NSF: variants seen among roughly 807,000 people sequenced by gnomAD.
NSF encodes the protein N-ethylmaleimide sensitive factor, vesicle fusing ATPase.
A neutral mutation model predicts 50.3 loss-of-function variants in NSF; 14 were observed. The observed-to-expected ratio is 0.28, with a 90% CI of 0.18 to 0.44. The LOEUF is 0.44. Ranked by LOEUF, NSF falls within the 20% of genes least tolerant of loss-of-function variation. The pLI is 1.00. For missense variants in NSF, 218 were observed against 504.3 expected (o/e 0.43, Z 5.44); for synonymous variants, 109 against 175.7 (o/e 0.62, Z 3.00).
intron 1 of NSF, among the ~76,000 whole-genome samples, chr17:46,606,179 CA>C (rs56822783): frequency 6.9e-4 from 2 of 2,886 alleles, no homozygotes; most frequent in Non-Finnish European, 9.9e-4. Context: ...AACTCCGTCT[CA>C]AAAAAAAAAA....
chr17:46,734,741 G>C (rs139980306), intron 17 of NSF, among the ~76,000 whole-genome samples: 1 of 152,236 alleles, frequency 6.6e-6, no homozygotes, highest in East Asian at 1.9e-4. Context: ...TATATATGTA[G>C]ATTAATTTCA....
chr17:46,703,693 A>C (rs1307950585), intron 12 of NSF, among the ~76,000 whole-genome samples: 30 of 151,478 alleles, frequency 2.0e-4, no homozygotes, highest in South Asian at 4.2e-4. Flanking sequence ...AAAAAAAAAA[A>C]AAAAAAAAAA....
intron 13 of NSF, among the ~76,000 whole-genome samples, chr17:46,710,088 C>G (rs2058703912): frequency 6.6e-6 from 1 of 152,102 alleles, no homozygotes; most frequent in Non-Finnish European, 1.5e-5. Context: ...TTCCATACAT[C>G]AGGTAATCAA....
At chr17:46,737,052 T>C (rs1174948563) in intron 17 of NSF, among the ~76,000 whole-genome samples, 1 of 152,260 alleles carries the variant, frequency 6.6e-6, no homozygotes, top group Non-Finnish European at 1.5e-5. Context: ...CATAGAAGTT[T>C]AAAACATTTC....
chr17:46,716,903 G>A (rs1478946450), intron 15 of NSF, among the ~76,000 whole-genome samples: 1 of 152,124 alleles, frequency 6.6e-6, no homozygotes, highest in Non-Finnish European at 1.5e-5. Context: ...TTTTTTCAGT[G>A]TAACTAAAGC....
chr17:46,715,401 A>G (rs1041670884), intron 15 of NSF, among the ~76,000 whole-genome samples: 11 of 152,216 alleles, frequency 7.2e-5, no homozygotes, highest in African/African-American at 2.7e-4. Flanking sequence ...AAAAATTTAA[A>G]TAACAGCCCT....
At chr17:46,739,733 T>G (rs1360603135) in intron 17 of NSF, among the ~76,000 whole-genome samples, 2 of 107,606 alleles carry the variant, frequency 1.9e-5, no homozygotes, top group Admixed American at 2.3e-4. Context: ...TTTTTTCTGA[T>G]TTTTTTTTTT....
intron 18 of NSF, 114 bp from the exon 19 acceptor site, chr17:46,751,389 C>G (rs1384210967): frequency 4.0e-4 from 291 of 728,926 alleles, no homozygotes; most frequent in Non-Finnish European, 3.0e-5. Flanking sequence ...AGAATTCTAT[C>G]AACTTGAACA....
intron 1 of NSF, among the ~76,000 whole-genome samples, chr17:46,603,587 C>T (rs2146105717): frequency 8.7e-6 from 1 of 114,614 alleles, no homozygotes; most frequent in South Asian, 3.8e-4. Context: ...CCATTAATAC[C>T]TTCATCTATA....
intron 14 of NSF, 43 bp downstream of exon 14, chr17:46,711,162 A>G: frequency 6.9e-7 from 1 of 1,451,890 alleles, no homozygotes; most frequent in Middle Eastern, 1.8e-4. Context: ...TAAAGGAAAA[A>G]AAGCAGCATT....
intron 14 of NSF, among the ~76,000 whole-genome samples, chr17:46,711,524 C>T (rs2058718724): frequency 6.6e-6 from 1 of 152,154 alleles, no homozygotes. Context: ...AAATTCCTGA[C>T]TACGGTGTAT....
intron 16 of NSF, 36 bp from the exon 17 acceptor site, chr17:46,728,819 A>G (rs764779910): frequency 7.0e-7 from 1 of 1,423,108 alleles, no homozygotes; most frequent in Admixed American, 1.9e-5. Context: ...GTACATGTGT[A>G]TCAAATCCCT....
chr17:46,753,258 C>T (rs535491354), intron 19 of NSF, among the ~76,000 whole-genome samples: 15 of 152,220 alleles, frequency 9.9e-5, no homozygotes, highest in African/African-American at 2.9e-4. Context: ...GGGCAGTGAG[C>T]GGCAGAGGTG....
Position 46,719,724 on chromosome 17 carries a change from A to G in NSF, c.1761+5738A>G, listed in dbSNP as rs184153264. 2.0e-5 allele frequency among the ~76,000 whole-genome samples: 3 copies of G among 152,320 alleles called. No homozygotes were observed. The highest frequency in any genetic ancestry group is 1.9e-4 in the East Asian group (1 of 5,188). On this transcript the variant is annotated intron_variant, in intron 15 of 20. Coordinates refer to ENST00000398238, the MANE Select transcript of NSF (RefSeq NM_006178.4). This position sits in a 1 kb window ranked among gnomAD's most constrained non-coding sequence, Gnocchi z 4.3. ...TACTTGTTTAAAAATCTATTTTACT[A>G]GTTCTATTCGTGCCATTAAATGAAC...
chr17:46,717,615 G>A (rs1419703960), intron 15 of NSF, among the ~76,000 whole-genome samples: 1 of 152,188 alleles, frequency 6.6e-6, no homozygotes, highest in African/African-American at 2.4e-5. Context: ...AGGAGGCTGA[G>A]GCAGGAGAAT....
At chr17:46,621,325 T>C (rs2058064368) in intron 1 of NSF, among the ~76,000 whole-genome samples, 1 of 140,762 alleles carries the variant, frequency 7.1e-6, no homozygotes. Flanking sequence ...CTCGCTCTGT[T>C]GCCCAGACTG....
At position 46,694,152 on chromosome 17, in the gene NSF, A is replaced by T. The variant is rs1279647668; in HGVS notation, c.1186+231A>T. The stretch of plus-strand genomic sequence containing the variant: ...GTAATCCCAGCACTTTGGGAGGCTG[A>T]GGCAGGTGGATCACTTGAGGCCAGT... On this transcript the variant is annotated intron_variant, in intron 11 of 20. Coordinates refer to ENST00000398238, the MANE Select transcript of NSF (RefSeq NM_006178.4). Among the ~76,000 whole-genome samples, 3 of 134,374 alleles carry T rather than the reference A, an allele frequency of 2.2e-5. 1 individual carries two copies. The highest frequency in any genetic ancestry group is 7.7e-5 in the Admixed American group (1 of 12,958). The allele number at this position is 134,374 out of a possible 152,430, so 88.2% of individuals were successfully genotyped here. A position where few individuals can be genotyped will look rare whatever the true frequency, so the allele number is the denominator to read the frequency against.
intron 15 of NSF, among the ~76,000 whole-genome samples, chr17:46,724,700 T>G (rs1453317356): frequency 6.6e-6 from 1 of 152,258 alleles, no homozygotes; most frequent in Non-Finnish European, 1.5e-5. Context: ...TAGGATTATT[T>G]TTGTCTTATT....
chr17:46,740,901 A>C (rs1015713399), intron 17 of NSF, among the ~76,000 whole-genome samples: 5 of 152,086 alleles, frequency 3.3e-5, no homozygotes, highest in African/African-American at 4.8e-5. Context: ...ACCGTTGGTG[A>C]TCTGCCCGTC....
Sources: allele counts gnomAD v4.1 joint callset (sites outside exome capture counted in the v4.1 genomes callset), GRCh38; gene constraint gnomAD v4.1.1; non-coding constraint Gnocchi (gnomAD v3.1); transcripts MANE v1.5; gene names NCBI Gene and HGNC (gene_info 2026-07-23, HGNC 2026-07-21).